CLDN16: variants seen among roughly 807,000 people sequenced by gnomAD.
CLDN16 encodes claudin-16.
A neutral mutation model predicts 24.6 loss-of-function variants in CLDN16; 13 were observed. The ratio of observed to expected loss-of-function variants is 0.53; its 90% CI spans 0.34 to 0.84. CLDN16 has a LOEUF of 0.84. Among genes scored for constraint, CLDN16 ranks in the 40% least tolerant of loss-of-function variants. The probability of loss-of-function intolerance (pLI) is 0.01; values close to 1 mark genes in which losing one functional copy is unlikely to be tolerated. For missense variants in CLDN16, 298 were observed against 292.7 expected (o/e 1.02, Z -0.13); for synonymous variants, 116 against 106.7 (o/e 1.09, Z -0.54).
At chr3:190,314,541 C>T in the CLDN16 span, among the ~76,000 whole-genome samples, 17 of 150,532 alleles carry the variant, frequency 1.1e-4, no homozygotes, top group East Asian at 2.0e-3. Context: ...ACTGCAGGCA[C>T]GAACCACCAT....
At chr3:190,310,405 A>T in the CLDN16 span, 2 of 610,514 alleles carry the variant, frequency 3.3e-6, no homozygotes, top group Non-Finnish European at 5.8e-6. Context: ...AGAAGTCCAG[A>T]TATGATTTAT....
intron 1 of CLDN16, among the ~76,000 whole-genome samples, chr3:190,393,603 T>C (rs943715998): frequency 2.6e-5 from 4 of 152,122 alleles, no homozygotes; most frequent in Non-Finnish European, 5.9e-5. Context: ...TGCAGTTTAT[T>C]GGTTTGTTTT....
intron 1 of CLDN16, among the ~76,000 whole-genome samples, chr3:190,344,154 G>A (rs2108631384): frequency 6.7e-6 from 1 of 150,110 alleles, no homozygotes. Context: ...AAAACGCTTT[G>A]AAAGCACGTA....
At chr3:190,313,190 C>T in the CLDN16 span, 1 of 750,738 alleles carries the variant, frequency 1.3e-6, no homozygotes, top group Non-Finnish European at 2.2e-6. Context: ...CGCTGGTAAC[C>T]CAATATACAG....
chr3:190,342,622 A>G (rs1207314983), intron 1 of CLDN16, among the ~76,000 whole-genome samples: 2 of 152,240 alleles, frequency 1.3e-5, no homozygotes, highest in African/African-American at 4.8e-5. Context: ...GAGGCATGTC[A>G]GCCAGTGGAA....
At chr3:190,391,381 G>A (rs112343616) in intron 1 of CLDN16, among the ~76,000 whole-genome samples, 126 of 152,132 alleles carry the variant, frequency 8.3e-4, no homozygotes, top group African/African-American at 3.0e-3. Context: ...CCTCTCAGGA[G>A]TGCACATTTA....
At chr3:190,392,449 T>C (rs1718704717) in intron 1 of CLDN16, among the ~76,000 whole-genome samples, 1 of 152,134 alleles carries the variant, frequency 6.6e-6, no homozygotes, top group African/African-American at 2.4e-5. Context: ...TTCTGTATAC[T>C]TGGCACCATG....
At chr3:190,295,491 T>A in the CLDN16 span, among the ~76,000 whole-genome samples, 1 of 152,174 alleles carries the variant, frequency 6.6e-6, no homozygotes, top group South Asian at 2.1e-4. Flanking sequence ...CTTAAAACGA[T>A]TAAACAGCAT....
In CLDN16 at chr3:190,380,236, C is replaced by CCTT. The variant is rs1449343249; in HGVS notation, n.306+5634_306+5635insTTC. On this transcript the variant is annotated intron_variant and non_coding_transcript_variant, in intron 3 of 4. Coordinates refer to the CLDN16 transcript ENST00000468220. ...CCTCCCTTCCTTCCTTTTCTTCCTT[C>CCTT]CCTCCCTTCCTTCCTTCCTTTCTTC... 3.0e-3 allele frequency among the ~76,000 whole-genome samples: 15 copies of CCTT among 5,032 alleles called. 5 individuals are homozygous for CCTT. Among genetic ancestry groups the CCTT allele is most frequent in the African/African-American group, 8.4e-3 (5 of 592 alleles). 3.3% of individuals were successfully genotyped at this position (5,032 alleles called of 152,430 possible).
upstream of CLDN16, among the ~76,000 whole-genome samples, chr3:190,387,690 G>A (rs577332693): frequency 9.2e-5 from 14 of 152,296 alleles, no homozygotes; most frequent in African/African-American, 3.1e-4. Flanking sequence ...AGCCTTGGCT[G>A]TCCCTACTGC....
At chr3:190,311,022 A>G in the CLDN16 span, among the ~76,000 whole-genome samples, 1 of 152,306 alleles carries the variant, frequency 6.6e-6, no homozygotes, top group African/African-American at 2.4e-5. Flanking sequence ...ATCAATATAG[A>G]TAGATTAGAT....
chr3:190,346,389 C>A (rs1477320036), intron 1 of CLDN16, among the ~76,000 whole-genome samples: 1 of 152,102 alleles, frequency 6.6e-6, no homozygotes, highest in Non-Finnish European at 1.5e-5. Context: ...AATAAAAATC[C>A]TCCGGCAATT....
intron 1 of CLDN16, among the ~76,000 whole-genome samples, chr3:190,324,186 G>A (rs552831758): frequency 7.9e-5 from 12 of 152,176 alleles, no homozygotes; most frequent in African/African-American, 2.2e-4. Context: ...TTAAACACCC[G>A]GGCACGGTGG....
Position 190,408,378 on chromosome 3 carries a change from G to C in CLDN16, c.447G>C (p.Leu149Phe), listed in dbSNP as rs1453710173. Residue 149 changes from leucine to phenylalanine, a missense_variant, in exon 4 of 5, where the codon TTG becomes TTC. Physicochemically the swap from Leu to Phe is conservative, Grantham distance 22. Transcript: ENST00000264734. ...AVDVYVERST[L>F]VLHNIFLGIQ... ...ATGTGTATGTGGAACGTTCTACTTT[G>C]GTTTTGCACAATATATTTCTTGGTA... 1 of 1,613,966 alleles carries C rather than the reference G, an allele frequency of 6.2e-7. No homozygotes were observed. The highest frequency in any genetic ancestry group is 8.5e-7 in the Non-Finnish European group (1 of 1,180,014).
chr3:190,312,293 G>T, the CLDN16 span, among the ~76,000 whole-genome samples: 1 of 118,668 alleles, frequency 8.4e-6, no homozygotes, highest in African/African-American at 4.5e-5. Context: ...AAATTTAAAG[G>T]TATTTCTGTA....
intron 1 of CLDN16, among the ~76,000 whole-genome samples, chr3:190,397,578 G>T (rs1718853344): frequency 6.6e-6 from 1 of 152,166 alleles, no homozygotes; most frequent in African/African-American, 2.4e-5. Context: ...ATACCAGAGA[G>T]CATTCCTAAA....
At chr3:190,339,260 C>T (rs1717377337) in intron 1 of CLDN16, among the ~76,000 whole-genome samples, 1 of 152,226 alleles carries the variant, frequency 6.6e-6, no homozygotes, top group Non-Finnish European at 1.5e-5. Flanking sequence ...GTCTAATACT[C>T]TGCTTCTAGG....
rs772803074 is a variant in CLDN16, at chr3:190,408,435, C to T, written c.504C>T (p.Leu168=). Residue 168 remains leucine, a synonymous_variant, in exon 4 of 5, where the codon CTC becomes CTT. Coordinates refer to ENST00000264734, the MANE Select transcript of CLDN16 (RefSeq NM_006580.4). ...ATAAATTTGGTTGGTCCTGTTGGCT[C>T]GGAATGGCTGGGTCTCTGGGTTGCT... ...IQYKFGWSCW[L]GMAGSLGCFL... 7.4e-6 allele frequency: 12 copies of T among 1,613,830 alleles called. No homozygotes were observed. Among genetic ancestry groups the T allele is most frequent in the South Asian group, 5.5e-5 (5 of 91,074 alleles).
At chr3:190,323,186 G>A (rs1350024151) in intron 1 of CLDN16, among the ~76,000 whole-genome samples, 1 of 152,012 alleles carries the variant, frequency 6.6e-6, no homozygotes, top group Non-Finnish European at 1.5e-5. Flanking sequence ...GCCCTTCCCC[G>A]CCAAACACCA....
Sources: gnomAD v4.1 joint callset for allele counts (sites outside exome capture counted in the v4.1 genomes callset) on GRCh38, gnomAD v4.1.1 for gene constraint, MANE v1.5 for transcripts, NCBI Gene and HGNC (gene_info 2026-07-23, HGNC 2026-07-21) for gene names.